The following MAOB variants were observed in gnomAD, a reference collection of about 807,000 sequenced individuals.
MAOB encodes amine oxidase [flavin-containing] B.
MAOB carries 15 observed loss-of-function variants against 41.9 expected under a neutral mutation model. That is an observed-to-expected ratio of 0.36 (90% confidence interval 0.24 to 0.55). MAOB has a LOEUF of 0.55. MAOB is among the 20% of genes least tolerant of loss of function. The pLI is 0.86. For synonymous variants in MAOB, 167 were observed against 144.2 expected (o/e 1.16, Z -1.13); for missense variants, 345 against 398.7 (o/e 0.87, Z 1.15).
At chrX:43,802,700 G>A (rs764063764) in intron 4 of MAOB, among the ~76,000 whole-genome samples, 2 of 109,257 alleles carry the variant, frequency 1.8e-5, no homozygotes, top group Admixed American at 1.0e-4. Context: ...AACACCACAT[G>A]TTCTCACTCA....
chrX:43,857,144 G>A (rs2035300500), intron 1 of MAOB, among the ~76,000 whole-genome samples: 1 of 60,616 alleles, frequency 1.6e-5, no homozygotes, highest in African/African-American at 6.7e-5. Context: ...GAGAGAGAGA[G>A]AGAGAGAGAG....
Position 43,791,628 on chromosome X carries a change from G to A in MAOB, c.928+1791C>T, listed in dbSNP as rs775929304. Among the ~76,000 whole-genome samples, 44 of 110,911 alleles carry A rather than the reference G, an allele frequency of 4.0e-4. 1 individual carries two copies. In the East Asian group the frequency reaches 0.011, roughly 28 times the overall value. ...AAAAATTAGCCAGGCAAGGTGGCAC[G>A]CACCTGTAATCCCAGCTACTTGGGA... On this transcript the variant is annotated intron_variant, in intron 8 of 14. Coordinates refer to ENST00000378069, the MANE Select transcript of MAOB (RefSeq NM_000898.5).
At chrX:43,817,368 C>T (rs188795356) in intron 3 of MAOB, among the ~76,000 whole-genome samples, 23 of 110,956 alleles carry the variant, frequency 2.1e-4, no homozygotes, top group East Asian at 5.6e-4. Context: ...GCCATCAAAA[C>T]GACCAGTTCT....
At chrX:43,795,157 G>T (rs1338346553) in intron 7 of MAOB, among the ~76,000 whole-genome samples, 6 of 111,570 alleles carry the variant, frequency 5.4e-5, no homozygotes, top group Non-Finnish European at 1.1e-4. Context: ...TCAGTCACAA[G>T]TCCAGCTTCC....
chrX:43,859,412 T>A (rs1602031107), intron 1 of MAOB, among the ~76,000 whole-genome samples: 2 of 111,986 alleles, frequency 1.8e-5, no homozygotes, highest in South Asian at 7.5e-4. Flanking sequence ...TGAGCAATAG[T>A]TTTTAATTTT....
intron 1 of MAOB, among the ~76,000 whole-genome samples, chrX:43,877,595 A>T (rs1031116431): frequency 6.9e-4 from 77 of 111,927 alleles, no homozygotes; most frequent in African/African-American, 2.5e-3. Flanking sequence ...AAATAATATC[A>T]TTTGTTATTA....
chrX:43,848,368 A>G (rs1447369919), intron 1 of MAOB, among the ~76,000 whole-genome samples: 2 of 112,046 alleles, frequency 1.8e-5, no homozygotes, highest in African/African-American at 3.2e-5. Flanking sequence ...AAAATACTAC[A>G]TAAGGACTCT....
chrX:43,803,481 G>T (rs965083185), intron 3 of MAOB, 77 bp from the exon 4 acceptor site: 16 of 1,108,146 alleles, frequency 1.4e-5, no homozygotes, highest in Non-Finnish European at 1.8e-5. Flanking sequence ...ATTGGTAAAT[G>T]TCTGCAAGCA....
intron 1 of MAOB, among the ~76,000 whole-genome samples, chrX:43,846,321 A>G (rs1469865426): frequency 8.9e-6 from 1 of 112,637 alleles, no homozygotes; most frequent in Non-Finnish European, 1.9e-5. Context: ...GCATTTACCC[A>G]ATAATATCTG....
At chrX:43,775,393 CA>C in intron 11 of MAOB, 121 bp from the exon 12 acceptor site, 1 of 1,054,461 alleles carries the variant, frequency 9.5e-7, no homozygotes. Context: ...AATAGAGTTG[CA>C]TTATCCTGAT....
In MAOB at chrX:43,860,797, T is replaced by C. The variant is rs765371654; in HGVS notation, c.47-17033A>G. Among the ~76,000 whole-genome samples the C allele has an allele frequency of 2.7e-5, 3 of 111,249 alleles. No individual in the cohort carries two copies. The South Asian group carries it at 1.1e-3, about 43-fold the overall frequency. ...CTTAGTTGTCTTTCCTACCACCCCTTGCTCATTCTACTACAGCCACATTGT... is the reference window on the plus strand; with the variant it reads ...CTTAGTTGTCTTTCCTACCACCCCTCGCTCATTCTACTACAGCCACATTGT... On this transcript the variant is annotated intron_variant, in intron 1 of 14. Coordinates refer to ENST00000378069, the MANE Select transcript of MAOB (RefSeq NM_000898.5).
At chrX:43,881,241 G>A (rs868406185) in intron 1 of MAOB, among the ~76,000 whole-genome samples, 15 of 113,349 alleles carry the variant, frequency 1.3e-4, no homozygotes, top group African/African-American at 9.6e-5. Context: ...GAACAACTCT[G>A]TCCTGCCCTC....
chrX:43,875,534 C>G (rs991938010), intron 1 of MAOB, among the ~76,000 whole-genome samples: 1 of 111,834 alleles, frequency 8.9e-6, no homozygotes, highest in East Asian at 2.8e-4. Context: ...TTAAGCCCAG[C>G]GAATGAGATT....
chrX:43,826,049 A>T (rs748105189), intron 3 of MAOB, among the ~76,000 whole-genome samples: 4 of 112,340 alleles, frequency 3.6e-5, no homozygotes, highest in Admixed American at 9.4e-5. Context: ...ATATTTTTCT[A>T]TATATTTTAT....
chrX:43,820,608 G>A (rs1464716904), intron 3 of MAOB, among the ~76,000 whole-genome samples: 10 of 112,010 alleles, frequency 8.9e-5, no homozygotes, highest in South Asian at 7.5e-4. Context: ...CCGTTTTTGC[G>A]TACAGATACA....
chrX:43,784,605 T>C (rs900078110), intron 8 of MAOB, among the ~76,000 whole-genome samples: 5 of 112,354 alleles, frequency 4.5e-5, no homozygotes, highest in Non-Finnish European at 7.5e-5. Context: ...TCAGACTTTG[T>C]TGCTGTTTGA....
intron 7 of MAOB, 146 bp downstream of exon 7, chrX:43,795,592 AG>A: frequency 2.2e-6 from 1 of 461,194 alleles, no homozygotes; most frequent in Non-Finnish European, 3.6e-6. Context: ...TCCTGTGACC[AG>A]CCCCATCCTG....
At chrX:43,790,843 T>G (rs1213890340) in intron 8 of MAOB, among the ~76,000 whole-genome samples, 1 of 111,876 alleles carries the variant, frequency 8.9e-6, no homozygotes, top group African/African-American at 3.3e-5. Context: ...TTTCTGATAC[T>G]AGTGCCTAAC....
At chrX:43,844,954 A>G (rs934863046) in intron 1 of MAOB, among the ~76,000 whole-genome samples, 1 of 111,650 alleles carries the variant, frequency 9.0e-6, no homozygotes, top group Admixed American at 9.5e-5. Context: ...CCCCCAGTAA[A>G]TGTATTCTTC....
Sources: allele counts gnomAD v4.1 joint callset (sites outside exome capture counted in the v4.1 genomes callset), GRCh38; gene constraint gnomAD v4.1.1; transcripts MANE v1.5; gene names NCBI Gene and HGNC (gene_info 2026-07-23, HGNC 2026-07-21).